RPTOR: variants seen among roughly 807,000 people sequenced by gnomAD.
RPTOR encodes the protein regulatory-associated protein of mTOR.
A neutral mutation model predicts 169.9 loss-of-function variants in RPTOR; 21 were observed. The observed-to-expected ratio is 0.12, with a 90% CI of 0.09 to 0.18. The LOEUF (loss-of-function observed/expected upper bound fraction) is 0.18. RPTOR is among the 10% of genes least tolerant of loss of function. The pLI is 1.00. For synonymous variants in RPTOR, 732 were observed against 753.2 expected (o/e 0.97, Z 0.46); for missense variants, 1,133 against 1,855.9 (o/e 0.61, Z 7.16).
intron 20 of RPTOR, among the ~76,000 whole-genome samples, chr17:80,897,333 G>A (rs1480138299): frequency 2.6e-5 from 4 of 151,878 alleles, no homozygotes; most frequent in African/African-American, 9.7e-5. Flanking sequence ...CCTTTGATAC[G>A]ACATTTGCTG....
At chr17:80,791,300 A>T (rs1351948186) in intron 6 of RPTOR, 150 bp from the exon 7 acceptor site, 3 of 611,374 alleles carry the variant, frequency 4.9e-6, no homozygotes, top group Non-Finnish European at 5.6e-6. Flanking sequence ...TACAAATCTA[A>T]AAGCTGCCGA....
chr17:80,913,104 CT>C (rs2068632109), intron 21 of RPTOR, among the ~76,000 whole-genome samples: 1 of 152,186 alleles, frequency 6.6e-6, no homozygotes. Flanking sequence ...AAGCATAAAT[CT>C]TTCTTGTCTT....
chr17:80,599,148 G>C (rs767461355), intron 1 of RPTOR, among the ~76,000 whole-genome samples: 74 of 152,106 alleles, frequency 4.9e-4, no homozygotes, highest in Admixed American at 1.4e-3. Flanking sequence ...CGTTGAATCT[G>C]GGCTGACTCG....
At chr17:80,901,863 C>G (rs1424768904) in intron 20 of RPTOR, among the ~76,000 whole-genome samples, 2 of 151,952 alleles carry the variant, frequency 1.3e-5, no homozygotes, top group Non-Finnish European at 2.9e-5. Context: ...CATTCTTACA[C>G]CCTCAGTCAC....
intron 6 of RPTOR, among the ~76,000 whole-genome samples, chr17:80,755,870 G>C (rs539031281): frequency 1.3e-5 from 2 of 152,192 alleles, no homozygotes; most frequent in African/African-American, 4.8e-5. Flanking sequence ...TGCAGACTTA[G>C]CCTGAAAGGG....
Position 80,771,049 on chromosome 17 carries a change from C to T in RPTOR, c.830+16864C>T, listed in dbSNP as rs896247277. Among the ~76,000 whole-genome samples, 7 of 152,252 alleles carry T rather than the reference C, an allele frequency of 4.6e-5. No individual in the cohort carries two copies. The South Asian group carries it at 6.2e-4, about 14-fold the overall frequency. On this transcript the variant is annotated intron_variant, in intron 6 of 33. Transcript: ENST00000306801. ...TCGCTGCCTTCTGAGCCGTCAGCCT[C>T]ACTGGCCTGTCCCTAATCCTTGCCC...
chr17:80,643,280 G>A lies in RPTOR; in HGVS notation c.266-448G>A, dbSNP rs2065567720. On this transcript the variant is annotated intron_variant, in intron 2 of 33. Coordinates refer to ENST00000306801, the MANE Select transcript of RPTOR (RefSeq NM_020761.3). ...GATTTTTTTTGTGGGAATACTGAGT[G>A]CAGATGAAAATTAATTAAAAAGTAT... Among the ~76,000 whole-genome samples, 4 of 152,132 alleles carry A rather than the reference G, an allele frequency of 2.6e-5. No individual in the cohort carries two copies. In the South Asian group the frequency reaches 8.3e-4, roughly 32 times the overall value.
In RPTOR at chr17:80,646,730, T is replaced by A. The variant is rs2065599107; in HGVS notation, c.348+2920T>A. ...GGGCGTTATTAAATTTCCCAGACCTTCAGTGGAAAGACCCATATATCTGGT... is the reference window on the plus strand; with the variant it reads ...GGGCGTTATTAAATTTCCCAGACCTACAGTGGAAAGACCCATATATCTGGT... On this transcript the variant is annotated intron_variant, in intron 3 of 33. Coordinates refer to ENST00000306801, the MANE Select transcript of RPTOR (RefSeq NM_020761.3). The surrounding 1 kb of genome is among the most constrained non-coding windows in gnomAD (Gnocchi z 5.0). 6.6e-6 allele frequency among the ~76,000 whole-genome samples: 1 copy of A among 152,142 alleles called. No homozygotes were observed. The highest frequency in any genetic ancestry group is 2.4e-5 in the African/African-American group (1 of 41,424).
chr17:80,724,196 G>A (rs550641842), intron 4 of RPTOR, among the ~76,000 whole-genome samples: 1 of 151,346 alleles, frequency 6.6e-6, no homozygotes, highest in African/African-American at 2.5e-5. Flanking sequence ...TACAAATGTG[G>A]TGGAGCTTTG....
intron 8 of RPTOR, among the ~76,000 whole-genome samples, chr17:80,822,677 G>T (rs966377535): frequency 6.6e-6 from 1 of 152,202 alleles, no homozygotes; most frequent in Non-Finnish European, 1.5e-5. Context: ...TGGGGTGTTT[G>T]TTCACATGTA....
At chr17:80,811,041 CTTT>C (rs1431494934) in intron 7 of RPTOR, among the ~76,000 whole-genome samples, 1 of 152,092 alleles carries the variant, frequency 6.6e-6, no homozygotes, top group Non-Finnish European at 1.5e-5. Flanking sequence ...AGTTTGACTT[CTTT>C]ATTTCCGATG....
intron 20 of RPTOR, among the ~76,000 whole-genome samples, chr17:80,899,577 T>TC (rs2068449935): frequency 6.6e-6 from 1 of 152,230 alleles, no homozygotes; most frequent in Non-Finnish European, 1.5e-5. Flanking sequence ...ATAGCTCCCT[T>TC]CCGTCACGTG....
chr17:80,768,432 G>T (rs1198309019), intron 6 of RPTOR, among the ~76,000 whole-genome samples: 1 of 152,166 alleles, frequency 6.6e-6, no homozygotes, highest in East Asian at 1.9e-4. Flanking sequence ...AACATAAAAG[G>T]AGCATTCAGA....
At chr17:80,839,787 G>A (rs113296625) in intron 10 of RPTOR, among the ~76,000 whole-genome samples, 6 of 152,310 alleles carry the variant, frequency 3.9e-5, no homozygotes, top group African/African-American at 7.2e-5. Context: ...AGAATAATCT[G>A]CTCTTATATA....
rs965435886 is a variant in RPTOR, at chr17:80,646,396, C to T, written c.348+2586C>T. Among the ~76,000 whole-genome samples, 8 of 152,132 alleles carry T rather than the reference C, an allele frequency of 5.3e-5. No individual in the cohort carries two copies. Among genetic ancestry groups the T allele is most frequent in the East Asian group, 1.9e-4 (1 of 5,198 alleles). Reference sequence around the variant, plus strand: ...CACTGGGTAATAATAGCACTTGCCCCGGTGCGCGTGGCACACTGCTCCTCA... The same window carrying T: ...CACTGGGTAATAATAGCACTTGCCCTGGTGCGCGTGGCACACTGCTCCTCA... On this transcript the variant is annotated intron_variant, in intron 3 of 33. Coordinates refer to ENST00000306801, the MANE Select transcript of RPTOR (RefSeq NM_020761.3). This position sits in a 1 kb window ranked among gnomAD's most constrained non-coding sequence, Gnocchi z 5.0.
intron 24 of RPTOR, among the ~76,000 whole-genome samples, chr17:80,929,911 G>A (rs894872688): frequency 7.9e-5 from 12 of 152,096 alleles, no homozygotes; most frequent in Non-Finnish European, 1.8e-4. Context: ...ATGACACTCT[G>A]TGTGACATTC....
At chr17:80,804,047 C>G (rs2067191520) in intron 7 of RPTOR, among the ~76,000 whole-genome samples, 1 of 152,224 alleles carries the variant, frequency 6.6e-6, no homozygotes, top group African/African-American at 2.4e-5. Flanking sequence ...CCTGGCAGCA[C>G]TTAATGGGTC....
chr17:80,882,973 G>A (rs1186702344), intron 14 of RPTOR, among the ~76,000 whole-genome samples: 1 of 152,250 alleles, frequency 6.6e-6, no homozygotes. Flanking sequence ...GAATGAAAAT[G>A]AGTCACAGTA....
At chr17:80,852,569 C>T (rs998611782) in intron 11 of RPTOR, among the ~76,000 whole-genome samples, 4 of 152,160 alleles carry the variant, frequency 2.6e-5, no homozygotes, top group African/African-American at 4.8e-5. Flanking sequence ...GAGCTGGCTC[C>T]GGGCACATAG....
Sources: gnomAD v4.1 joint callset for allele counts (sites outside exome capture counted in the v4.1 genomes callset) on GRCh38, gnomAD v4.1.1 for gene constraint, Gnocchi (gnomAD v3.1) non-coding constraint, MANE v1.5 for transcripts, NCBI Gene and HGNC (gene_info 2026-07-23, HGNC 2026-07-21) for gene names.